The following KLHL18 variants were observed in gnomAD, a reference collection of about 807,000 sequenced individuals.
KLHL18 encodes the protein kelch-like protein 18.
KLHL18 carries 38 observed loss-of-function variants against 58.5 expected under a neutral mutation model. The ratio of observed to expected loss-of-function variants is 0.65; its 90% CI spans 0.50 to 0.85. KLHL18 has a LOEUF of 0.85. KLHL18 is among the 40% of genes least tolerant of loss of function. KLHL18 has a pLI of 0.00. For synonymous variants in KLHL18, 303 were observed against 301.9 expected, an observed-to-expected ratio of 1.00 and a Z score of -0.04; for missense variants, 624 against 778.4, an observed-to-expected ratio of 0.80 and a Z score of 2.36.
chr3:47,323,080 ATTTCT>A (rs747252869), intron 3 of KLHL18, among the ~76,000 whole-genome samples: 3 of 149,884 alleles, frequency 2.0e-5, no homozygotes, highest in Non-Finnish European at 3.0e-5. Context: ...TGCTCTCTGA[ATTTCT>A]TTTCTTTTCT....
chr3:47,336,924 GCTTAAAAGTAAAATATCCA>G (rs1326490345), intron 7 of KLHL18, 167 bp downstream of exon 7: 2 of 612,572 alleles, frequency 3.3e-6, no homozygotes, highest in Non-Finnish European at 5.9e-6. Context: ...GCCCCCATCT[GCTTAAAAGTAAAATATCCA>G]CCTTGTCCTT....
At chr3:47,326,153 G>A (rs1415610330) in intron 3 of KLHL18, among the ~76,000 whole-genome samples, 2 of 151,964 alleles carry the variant, frequency 1.3e-5, no homozygotes, top group African/African-American at 4.8e-5. Context: ...TCACCATGTT[G>A]GCCAGGCTGG....
chr3:47,287,962 C>T (rs188898525), intron 1 of KLHL18, among the ~76,000 whole-genome samples: 8 of 152,198 alleles, frequency 5.3e-5, no homozygotes, highest in African/African-American at 7.2e-5. Context: ...CAGTGGCTCA[C>T]GCCTGATCCC....
chr3:47,295,452 A>G (rs1029022013), intron 1 of KLHL18, among the ~76,000 whole-genome samples: 9 of 152,098 alleles, frequency 5.9e-5, no homozygotes, highest in African/African-American at 7.2e-5. Flanking sequence ...GGCTTGGAGT[A>G]TCTGCTCACA....
chr3:47,334,841 T>C lies in KLHL18; in HGVS notation c.898+22T>C, dbSNP rs768785580. 9 of 1,596,732 alleles carry C rather than the reference T, an allele frequency of 5.6e-6. No homozygotes were observed. The highest frequency in any genetic ancestry group is 7.7e-6 in the Non-Finnish European group (9 of 1,171,066). Reference sequence around the variant, plus strand: ...GCAGGTACCTTGCGGCTCCCCTTTATAGACCCTCCTCTTGGACTCCATGGA... The same window carrying C: ...GCAGGTACCTTGCGGCTCCCCTTTACAGACCCTCCTCTTGGACTCCATGGA... On this transcript the variant is annotated intron_variant, in intron 6 of 9. Coordinates refer to ENST00000232766, the MANE Select transcript of KLHL18 (RefSeq NM_025010.5). This position sits in a 1 kb window ranked among gnomAD's most constrained non-coding sequence, Gnocchi z 4.7.
intron 4 of KLHL18, among the ~76,000 whole-genome samples, chr3:47,331,012 G>C (rs757126486): frequency 6.6e-6 from 1 of 151,006 alleles, no homozygotes; most frequent in Non-Finnish European, 1.5e-5. Context: ...GTTTACAGGC[G>C]TGAGCCACTG....
intron 1 of KLHL18, among the ~76,000 whole-genome samples, chr3:47,311,332 G>C (rs1703294277): frequency 6.6e-6 from 1 of 152,108 alleles, no homozygotes; most frequent in Non-Finnish European, 1.5e-5. Context: ...TTTCATAGCT[G>C]TTCTTGAATC....
chr3:47,331,598 A>C (rs1268454017), intron 4 of KLHL18, among the ~76,000 whole-genome samples: 2 of 150,544 alleles, frequency 1.3e-5, no homozygotes, highest in Non-Finnish European at 3.0e-5. Flanking sequence ...ATGCCTGGCT[A>C]ACTTTTGTAT....
intron 3 of KLHL18, among the ~76,000 whole-genome samples, chr3:47,329,495 G>C (rs1054661933): frequency 6.6e-6 from 1 of 152,216 alleles, no homozygotes; most frequent in African/African-American, 2.4e-5. Flanking sequence ...CCAAAGTGCT[G>C]GGATTACAGG....
rs371869161 is a variant in KLHL18 at position 47,329,203 on chromosome 3, G to GTTT, written c.402-742_402-740dup. Among the ~76,000 whole-genome samples, 192 of 150,472 alleles carry GTTT rather than the reference G, an allele frequency of 1.3e-3. 1 individual carries two copies. The highest frequency in any genetic ancestry group is 1.6e-3 in the Non-Finnish European group (107 of 67,512). ...TAAAGAAGCCATCTGTCCGTGTTGT[G>GTTT]TTTTTTTTGTTGTTGTTTTGTTTGT... On this transcript the variant is annotated intron_variant, in intron 3 of 9. Transcript: ENST00000232766.
At chr3:47,286,824 G>GTTC (rs1702685906) in intron 1 of KLHL18, among the ~76,000 whole-genome samples, 1 of 152,176 alleles carries the variant, frequency 6.6e-6, no homozygotes, top group Admixed American at 6.5e-5. Flanking sequence ...AGGTCTGGAG[G>GTTC]TTCTCCCTTC....
chr3:47,295,911 C>T (rs147910286), intron 1 of KLHL18, among the ~76,000 whole-genome samples: 1 of 152,172 alleles, frequency 6.6e-6, no homozygotes, highest in South Asian at 2.1e-4. Flanking sequence ...TGCCCTCTTT[C>T]TTGTGCTCTG....
At chr3:47,331,633 A>G (rs1389919889) in intron 4 of KLHL18, among the ~76,000 whole-genome samples, 7 of 148,562 alleles carry the variant, frequency 4.7e-5, no homozygotes, top group Non-Finnish European at 7.4e-5. Context: ...GGGTTTCACT[A>G]TGTTGGCCAG....
chr3:47,327,256 A>G (rs1703747840), intron 3 of KLHL18, among the ~76,000 whole-genome samples: 1 of 151,990 alleles, frequency 6.6e-6, no homozygotes, highest in African/African-American at 2.4e-5. Context: ...ACAAAAGGGA[A>G]AAAAAAAGGT....
At chr3:47,317,201 C>T (rs150386789) in intron 1 of KLHL18, among the ~76,000 whole-genome samples, 3 of 152,294 alleles carry the variant, frequency 2.0e-5, no homozygotes, top group African/African-American at 7.2e-5. Flanking sequence ...CAACCTCCGC[C>T]TCCCAGGTTC....
In KLHL18 at chr3:47,334,779, C is replaced by T. The variant is rs750735338; in HGVS notation, c.858C>T (p.Ile286=). ...FRTRPRCCTS[I]AGLIYAVGGL... ...CCCGGCCACGCTGCTGCACATCCATCGCTGGACTTATCTACGCTGTAGGGG... is the reference window on the plus strand; with the variant it reads ...CCCGGCCACGCTGCTGCACATCCATTGCTGGACTTATCTACGCTGTAGGGG... The change falls in exon 6 of 10, where the codon ATC becomes ATT. Residue 286 remains isoleucine (I), a synonymous_variant. Coordinates refer to ENST00000232766, the MANE Select transcript of KLHL18 (RefSeq NM_025010.5). This position sits in a 1 kb window ranked among gnomAD's most constrained non-coding sequence, Gnocchi z 4.7. 41 of 1,614,016 alleles carry T rather than the reference C, an allele frequency of 2.5e-5. No individual in the cohort carries two copies. Among genetic ancestry groups the T allele is most frequent in the South Asian group, 3.3e-5 (3 of 91,078 alleles).
intron 1 of KLHL18, among the ~76,000 whole-genome samples, chr3:47,294,713 A>G (rs187358101): frequency 3.1e-4 from 47 of 152,368 alleles, no homozygotes; most frequent in Non-Finnish European, 4.4e-5. Context: ...GAATGAATGA[A>G]TGAAACCAAT....
At chr3:47,328,945 C>T (rs1179899115) in intron 3 of KLHL18, among the ~76,000 whole-genome samples, 4 of 151,840 alleles carry the variant, frequency 2.6e-5, no homozygotes, top group Non-Finnish European at 5.9e-5. Flanking sequence ...GCCTGGACAA[C>T]ATGGTGAATC....
At chr3:47,313,241 A>G (rs1259867523) in intron 1 of KLHL18, among the ~76,000 whole-genome samples, 2 of 142,076 alleles carry the variant, frequency 1.4e-5, no homozygotes, top group African/African-American at 5.3e-5. Context: ...TAATAGAGAA[A>G]GGGTCTCACT....
Sources: gnomAD v4.1 joint callset for allele counts (sites outside exome capture counted in the v4.1 genomes callset) on GRCh38, gnomAD v4.1.1 for gene constraint, Gnocchi (gnomAD v3.1) non-coding constraint, MANE v1.5 for transcripts, NCBI Gene and HGNC (gene_info 2026-07-23, HGNC 2026-07-21) for gene names.